CLEC10A: variants seen among roughly 807,000 people sequenced by gnomAD.
The protein encoded by CLEC10A is C-type lectin domain family 10 member A.
In CLEC10A, 38 loss-of-function variants were observed where a neutral mutation model predicts 42.0. The observed-to-expected ratio is 0.90, with a 90% CI of 0.70 to 1.18. The LOEUF (loss-of-function observed/expected upper bound fraction) is 1.18. Ranked by LOEUF, CLEC10A falls within the 50% of genes most tolerant of loss-of-function variation. The pLI, the probability that CLEC10A is intolerant of heterozygous loss-of-function variation, is 0.00. For synonymous variants in CLEC10A, 126 were observed against 139.9 expected, an observed-to-expected ratio of 0.90 and a Z score of 0.70; for missense variants, 298 against 345.9, an observed-to-expected ratio of 0.86 and a Z score of 1.10.
chr17:7,075,560 G>A (rs1390460561), intron 7 of CLEC10A, 94 bp from the exon 8 acceptor site: 2 of 1,398,162 alleles, frequency 1.4e-6, no homozygotes, highest in East Asian at 2.3e-5. Context: ...TAAATCAACT[G>A]AGGAGTTTGG....
intron 6 of CLEC10A, 49 bp from the exon 7 acceptor site, chr17:7,075,934 G>C: frequency 1.2e-6 from 2 of 1,612,202 alleles, no homozygotes; most frequent in South Asian, 1.1e-5. Flanking sequence ...GCTCTGCCCA[G>C]TGGGCCATGG....
intron 6 of CLEC10A, 24 bp from the exon 7 acceptor site, chr17:7,075,909 G>A: frequency 6.3e-7 from 1 of 1,596,554 alleles, no homozygotes; most frequent in Non-Finnish European, 8.6e-7. Flanking sequence ...AATAGGATAG[G>A]GTGGAGAGGC....
intron 7 of CLEC10A, 124 bp downstream of exon 7, chr17:7,075,607 T>C (rs1321648340): frequency 2.0e-6 from 3 of 1,488,500 alleles, no homozygotes; most frequent in Non-Finnish European, 2.8e-6. Context: ...ATTAAATCTC[T>C]GAGGGTGTGG....
chr17:7,078,358 T>A, intron 2 of CLEC10A: 1 of 514,588 alleles, frequency 1.9e-6, no homozygotes, highest in Non-Finnish European at 3.5e-6. Flanking sequence ...AGGGGTCCCA[T>A]GGTCAGAGCT....
At chr17:7,079,238 GGCT>G (rs1912040365) in intron 1 of CLEC10A, among the ~76,000 whole-genome samples, 1 of 152,054 alleles carries the variant, frequency 6.6e-6, no homozygotes, top group African/African-American at 2.4e-5. Context: ...TTTGGCTTTG[GGCT>G]GGTGTTAAAA....
Position 7,078,737 on chromosome 17 carries a change from T to C in CLEC10A, c.67+9A>G, listed in dbSNP as rs535925935. 9 of 1,613,050 alleles carry C rather than the reference T, an allele frequency of 5.6e-6. No homozygotes were observed. Among genetic ancestry groups the C allele is most frequent in the Non-Finnish European group, 7.6e-6 (9 of 1,179,094 alleles). ...GGGCATTTTAGGAGAGTTTCCCCTT[T>C]CCTCTTACCATTTTTAAACCCCTGG... On this transcript the variant is annotated intron_variant, in intron 2 of 8. Coordinates refer to ENST00000416562, the MANE Select transcript of CLEC10A (RefSeq NM_001330070.2).
At chr17:7,077,285 C>T (rs60019421) in intron 3 of CLEC10A, among the ~76,000 whole-genome samples, 41 of 107,996 alleles carry the variant, frequency 3.8e-4, no homozygotes, top group African/African-American at 1.1e-3. Flanking sequence ...CAGTGCCCCC[C>T]CACCATTCCC....
At position 7,074,984 on chromosome 17, in the gene CLEC10A, C is replaced by G; in HGVS notation, c.*70G>C. On this transcript the variant is annotated 3_prime_UTR_variant, in exon 9 of 9. Transcript: ENST00000416562. ...TTATTTCTCTCCCAGAGCGGTCTTG[C>G]GAGGAGGTCGTGAGAAGAGTCCTCC... 3 of 1,331,494 alleles carry G rather than the reference C, an allele frequency of 2.3e-6. No individual in the cohort carries two copies. The highest frequency in any genetic ancestry group is 3.0e-6 in the Non-Finnish European group (3 of 1,003,962). The allele number at this position is 1,331,494 out of a possible 1,614,324, so 82.5% of individuals were successfully genotyped here.
chr17:7,074,726 G>C lies in CLEC10A; in HGVS notation c.*328C>G, dbSNP rs552335069. 5.4e-6 allele frequency: 1 copy of C among 184,708 alleles called. No individual in the cohort carries two copies. The highest frequency in any genetic ancestry group is 1.9e-4 in the South Asian group (1 of 5,296). 11.4% of individuals were successfully genotyped at this position (184,708 alleles called of 1,614,324 possible). Reference sequence around the variant, plus strand: ...GAGGCATGAGGGGACTGGTGGGGGCGATGGCAATGTTATCTATTGCGATCG... The same window carrying C: ...GAGGCATGAGGGGACTGGTGGGGGCCATGGCAATGTTATCTATTGCGATCG... On this transcript the variant is annotated 3_prime_UTR_variant, in exon 9 of 9. Coordinates refer to ENST00000416562, the MANE Select transcript of CLEC10A (RefSeq NM_001330070.2).
chr17:7,076,009 G>A lies in CLEC10A; in HGVS notation c.415C>T (p.Gln139Ter). The A allele has an allele frequency of 4.3e-6, 7 of 1,614,186 alleles. No homozygotes were observed. Among genetic ancestry groups the A allele is most frequent in the Non-Finnish European group, 5.1e-6 (6 of 1,180,018 alleles). The change falls in exon 6 of 9, where the codon CAG becomes TAG. Residue 139 changes from glutamine to a stop codon, truncating the protein, a stop_gained. Coordinates refer to ENST00000416562, the MANE Select transcript of CLEC10A (RefSeq NM_001330070.2). LOFTEE classifies it high-confidence loss of function. ...CCATTGTTGTTGAGAGTAGCCACCT[G>A]GCAGGTCAGTTTCTTCAGGTCTTGC... ...LVQDLKKLTC[Q>*]VATLNNNAST...
rs1322553085 is a variant in CLEC10A, at chr17:7,077,763, C to CCCCA, written c.184+233_184+234insTGGG. ...CCCTCTCCTCCATTCCCATCAATCA[C>CCCCA]TCCATCAGTGCCCCATCAGTGCTTC... On this transcript the variant is annotated intron_variant, in intron 3 of 8. Transcript: ENST00000416562. Among the ~76,000 whole-genome samples the CCCCA allele has an allele frequency of 4.4e-4, 67 of 152,028 alleles. 2 individuals carry two copies. Among genetic ancestry groups the CCCCA allele is most frequent in the African/African-American group, 1.4e-3 (58 of 41,444 alleles).
At chr17:7,076,666 G>C (rs947236113) in intron 5 of CLEC10A, 67 bp downstream of exon 5, 2 of 1,548,424 alleles carry the variant, frequency 1.3e-6, no homozygotes, top group Admixed American at 3.3e-5. Flanking sequence ...AGCACCAGGA[G>C]TCTGTTCCCA....
chr17:7,077,114 A>G (rs1434846881), intron 3 of CLEC10A, 127 bp from the exon 4 acceptor site: 1 of 672,612 alleles, frequency 1.5e-6, no homozygotes, highest in Admixed American at 2.3e-5. Context: ...AGGCACTATT[A>G]TTGTTCAATA....
intron 5 of CLEC10A, among the ~76,000 whole-genome samples, chr17:7,076,332 C>T (rs1262449400): frequency 1.1e-4 from 13 of 121,978 alleles, no homozygotes; most frequent in Middle Eastern, 5.3e-3. Context: ...TTTTTTGAGA[C>T]GGAGTTTCAC....
At position 7,078,880 on chromosome 17, in the gene CLEC10A, G is replaced by A. The variant is rs1912017548; in HGVS notation, c.-68C>T. 2.7e-6 allele frequency: 4 copies of A among 1,476,906 alleles called. No individual in the cohort carries two copies. The highest frequency in any genetic ancestry group is 3.3e-5 in the Admixed American group (2 of 59,828). 91.5% of individuals were successfully genotyped at this position (1,476,906 alleles called of 1,614,324 possible). A position where few individuals can be genotyped will look rare whatever the true frequency, so the allele number is the denominator to read the frequency against. On this transcript the variant is annotated 5_prime_UTR_variant, in exon 2 of 9. Coordinates refer to ENST00000416562, the MANE Select transcript of CLEC10A (RefSeq NM_001330070.2). ...AGGCAGGGCCGGCGCCCAGTCTGGG[G>A]TGGAGCTGGGGAATAGGAGGTTGGG...
intron 1 of CLEC10A, among the ~76,000 whole-genome samples, chr17:7,079,513 GC>G (rs1912054307): frequency 6.6e-6 from 1 of 151,844 alleles, no homozygotes; most frequent in Non-Finnish European, 1.5e-5. Flanking sequence ...AACCCAGGAG[GC>G]AGAGGTGGCA....
In CLEC10A at chr17:7,076,755, A is replaced by G; in HGVS notation, c.330T>C (p.Gly110=). Residue 110 remains glycine (G), a synonymous_variant, in exon 5 of 9, where the codon GGT becomes GGC. Transcript: ENST00000416562. ...CACCTGCCTGCCGTTCCTGCTTGAA[A>G]CCCTCCACCTCAGCTTTCAGAGATG... ...TIASLKAEVE[G]FKQERQAVHS... 1 of 1,608,928 alleles carries G rather than the reference A, an allele frequency of 6.2e-7. No homozygotes were observed. Among genetic ancestry groups the G allele is most frequent in the Non-Finnish European group, 8.5e-7 (1 of 1,178,434 alleles).
At chr17:7,078,552 C>T in intron 2 of CLEC10A, 194 bp downstream of exon 2, 1 of 607,310 alleles carries the variant, frequency 1.6e-6, no homozygotes, top group East Asian at 2.7e-5. Context: ...AAGCTGGGTC[C>T]ACTGTGATCC....
At position 7,075,110 on chromosome 17, in the gene CLEC10A, G is replaced by C; in HGVS notation, c.814C>G (p.Pro272Ala). Residue 272 changes from proline (P) to alanine (A), a missense_variant, in exon 9 of 9, where the codon CCC (proline) becomes GCC (alanine). By Grantham distance (27) the Pro-to-Ala change is conservative. This residue lies in a region of CLEC10A where 267 missense variants were observed against 289.5 expected (regional missense o/e 0.92). Transcript: ENST00000416562. Reference protein sequence around the residue: ...GRWNDDVCQRPYHWVCEAGLG... With the variant: ...GRWNDDVCQRAYHWVCEAGLG... Reference sequence around the variant, plus strand: ...CCAGCCTCGCAGACCCAGTGGTAGGGCCTCTGGCAGACGTCGTCATTCCAC... The same window carrying C: ...CCAGCCTCGCAGACCCAGTGGTAGGCCCTCTGGCAGACGTCGTCATTCCAC... 1.9e-6 allele frequency: 3 copies of C among 1,607,568 alleles called. No homozygotes were observed. The highest frequency in any genetic ancestry group is 2.5e-6 in the Non-Finnish European group (3 of 1,178,204).
Sources: allele counts gnomAD v4.1 joint callset (sites outside exome capture counted in the v4.1 genomes callset), GRCh38; gene constraint gnomAD v4.1.1; regional missense constraint gnomAD v4.1.1; transcripts MANE v1.5; gene names NCBI Gene and HGNC (gene_info 2026-07-23, HGNC 2026-07-21).